Variants in NAV3 observed in about 807,000 individuals in gnomAD.
NAV3 encodes pore membrane and/or filament interacting like protein 1.
Under a neutral mutation model 244.7 loss-of-function variants are expected in NAV3, and 87 were observed. The observed-to-expected ratio is 0.36, with a 90% CI of 0.30 to 0.42. The LOEUF is 0.42. NAV3 is among the 20% of genes least tolerant of loss of function. NAV3 has a pLI of 1.00. For synonymous variants in NAV3, 1,126 were observed against 1,042.2 expected (o/e 1.08, Z -1.55); for missense variants, 2,663 against 2,893.3 (o/e 0.92, Z 1.83).
At chr12:77,833,310 T>C (rs74106563) in intron 1 of NAV3, among the ~76,000 whole-genome samples, 1 of 130,438 alleles carries the variant, frequency 7.7e-6, no homozygotes, top group African/African-American at 2.9e-5. Context: ...AGTAGTTGGA[T>C]GAATGAATAC....
chr12:78,153,042 T>G (rs1345440025), intron 22 of NAV3, among the ~76,000 whole-genome samples: 3 of 152,106 alleles, frequency 2.0e-5, no homozygotes, highest in African/African-American at 7.2e-5. Context: ...TGTACTCTCA[T>G]AGCTTACGTG....
intron 2 of NAV3, among the ~76,000 whole-genome samples, chr12:77,614,324 A>C (rs1871064104): frequency 6.6e-6 from 1 of 151,932 alleles, no homozygotes; most frequent in Non-Finnish European, 1.5e-5. Context: ...TAAGGAAAGG[A>C]AGCCTGGGCA....
At chr12:78,183,777 A>G (rs1215527784) in intron 30 of NAV3, among the ~76,000 whole-genome samples, 1 of 151,874 alleles carries the variant, frequency 6.6e-6, no homozygotes, top group East Asian at 1.9e-4. Flanking sequence ...CAATCAGGCC[A>G]ACCTCCTTTG....
intron 1 of NAV3, among the ~76,000 whole-genome samples, chr12:77,888,449 C>G (rs911929187): frequency 6.6e-6 from 1 of 152,076 alleles, no homozygotes. Flanking sequence ...TGCACTCCAG[C>G]CTGGACAGCA....
Position 78,050,774 on chromosome 12 carries a change from A to G in NAV3, c.2143A>G (p.Thr715Ala), listed in dbSNP as rs1882629154. 1 of 1,595,240 alleles carries G rather than the reference A, an allele frequency of 6.3e-7. No individual in the cohort carries two copies. The highest frequency in any genetic ancestry group is 8.6e-7 in the Non-Finnish European group (1 of 1,166,524). ...CATTTTATTTGACAGCACCCTGGAGACAACATTTGACAGCACTGTGACAAC... is the reference window on the plus strand; with the variant it reads ...CATTTTATTTGACAGCACCCTGGAGGCAACATTTGACAGCACTGTGACAAC... ...GTQISHSTLE[T>A]TFDSTVTTEV... Residue 715 changes from threonine to alanine, a missense_variant, in exon 11 of 40, where the codon ACA becomes GCA. This residue lies in a region of NAV3 where 1,521 missense variants were observed against 1,497.0 expected (regional missense o/e 1.02). Transcript: ENST00000397909.
intron 1 of NAV3, among the ~76,000 whole-genome samples, chr12:77,885,805 T>C (rs1883216748): frequency 6.6e-6 from 1 of 152,140 alleles, no homozygotes; most frequent in Non-Finnish European, 1.5e-5. Context: ...CTGCTTAAGA[T>C]GAGTTTAAAT....
rs71088342 is a variant in NAV3 at position 77,831,195 on chromosome 12, CAGAGAGAGAGAG to C, written c.-255_-244del. 3 of 145,130 alleles carry C rather than the reference CAGAGAGAGAGAG, an allele frequency of 2.1e-5. No individual in the cohort carries two copies. The highest frequency in any genetic ancestry group is 1.6e-4 in the South Asian group (1 of 6,176). 9.0% of individuals were successfully genotyped at this position (145,130 alleles called of 1,614,324 possible). A position where few individuals can be genotyped will look rare whatever the true frequency, so the allele number is the denominator to read the frequency against. On this transcript the variant is annotated 5_prime_UTR_variant, in exon 1 of 40. Transcript: ENST00000397909. The stretch of plus-strand genomic sequence containing the variant: ...AGAGAGAGAGAGAGAGAGAGAGAGA[CAGAGAGAGAGAG>C]AGAGAGAGAGAAAGAGAGAGAGAGA...
intron 2 of NAV3, among the ~76,000 whole-genome samples, chr12:77,776,885 A>G (rs1565809537): frequency 6.6e-5 from 10 of 152,142 alleles, no homozygotes; most frequent in Admixed American, 6.5e-4. Flanking sequence ...GGAGGCTGTA[A>G]CATCTTTATC....
chr12:78,154,274 T>G (rs1293081530), intron 22 of NAV3, among the ~76,000 whole-genome samples: 1 of 78,456 alleles, frequency 1.3e-5, no homozygotes, highest in African/African-American at 4.2e-5. Context: ...ATAGTATATA[T>G]TACTATATAT....
intron 2 of NAV3, among the ~76,000 whole-genome samples, chr12:77,596,526 A>C (rs1021043360): frequency 6.6e-6 from 1 of 152,180 alleles, no homozygotes; most frequent in Admixed American, 6.6e-5. Context: ...TTTGATAATC[A>C]CATGTTGAAA....
intron 35 of NAV3, 152 bp downstream of exon 35, chr12:78,197,553 C>T (rs1251744196): frequency 1.9e-6 from 1 of 532,620 alleles, no homozygotes; most frequent in African/African-American, 1.9e-5. Flanking sequence ...ATTGTGTACA[C>T]CATGATGTTT....
At chr12:77,755,780 G>A (rs1359270211) in intron 2 of NAV3, among the ~76,000 whole-genome samples, 1 of 149,204 alleles carries the variant, frequency 6.7e-6, no homozygotes, top group Non-Finnish European at 1.5e-5. Flanking sequence ...GTCACTCAGG[G>A]TGGAGTGCAG....
chr12:78,146,419 A>C (rs1255630822), intron 21 of NAV3, 27 bp downstream of exon 21: 1 of 1,002,770 alleles, frequency 1.0e-6, no homozygotes, highest in Admixed American at 2.7e-5. Flanking sequence ...CAATATTTTA[A>C]TATTTTCTAT....
At chr12:77,962,796 A>C (rs1426483843) in intron 3 of NAV3, among the ~76,000 whole-genome samples, 4 of 152,194 alleles carry the variant, frequency 2.6e-5, no homozygotes, top group Non-Finnish European at 4.4e-5. Context: ...AGTACAGTGC[A>C]CTAGGAAGCA....
At chr12:77,592,525 C>T (rs1230246065) in intron 2 of NAV3, among the ~76,000 whole-genome samples, 2 of 152,200 alleles carry the variant, frequency 1.3e-5, no homozygotes, top group African/African-American at 4.8e-5. Context: ...GACATCCAAT[C>T]GTGCTCACAC....
At chr12:78,059,142 G>A (rs777266459) in intron 12 of NAV3, 27 bp downstream of exon 12, 5 of 1,598,598 alleles carry the variant, frequency 3.1e-6, no homozygotes, top group Non-Finnish European at 4.3e-6. Flanking sequence ...ATATGATGGT[G>A]AGACATGCAT....
rs1958260143 is a variant in NAV3 at position 78,177,043 on chromosome 12, C to T, written c.5125-98C>T. The T allele has an allele frequency of 1.7e-6, 2 of 1,179,934 alleles. 1 individual carries two copies. The highest frequency in any genetic ancestry group is 2.5e-5 in the South Asian group (2 of 78,656). The allele number at this position is 1,179,934 out of a possible 1,614,324, so 73.1% of individuals were successfully genotyped here. A position where few individuals can be genotyped will look rare whatever the true frequency, so the allele number is the denominator to read the frequency against. ...ATACTCTGCTTGTACATACTGACCCCAGGCAGTGGCTAGGATGGCATCTGC... is the reference window on the plus strand; with the variant it reads ...ATACTCTGCTTGTACATACTGACCCTAGGCAGTGGCTAGGATGGCATCTGC... On this transcript the variant is annotated intron_variant, in intron 26 of 39. Coordinates refer to ENST00000397909, the MANE Select transcript of NAV3 (RefSeq NM_001024383.2).
At chr12:77,850,087 A>T (rs1032567770) in intron 1 of NAV3, among the ~76,000 whole-genome samples, 1 of 152,210 alleles carries the variant, frequency 6.6e-6, no homozygotes, top group African/African-American at 2.4e-5. Flanking sequence ...TTAGAAAAAT[A>T]AATATGTCTT....
intron 2 of NAV3, among the ~76,000 whole-genome samples, chr12:77,641,734 A>G (rs1032821521): frequency 1.3e-5 from 2 of 152,250 alleles, no homozygotes; most frequent in Middle Eastern, 3.4e-3. Flanking sequence ...TCTTCAACAC[A>G]TATATGATCT....
Sources: gnomAD v4.1 joint callset for allele counts (sites outside exome capture counted in the v4.1 genomes callset) on GRCh38, gnomAD v4.1.1 for gene constraint, gnomAD v4.1.1 regional missense constraint, MANE v1.5 for transcripts, NCBI Gene and HGNC (gene_info 2026-07-23, HGNC 2026-07-21) for gene names.